The following TWIST2 variants were observed in gnomAD, a reference collection of about 807,000 sequenced individuals.
TWIST2 encodes twist-related protein 2.
In TWIST2, 1 loss-of-function variant was observed where a neutral mutation model predicts 11.6. That is an observed-to-expected ratio of 0.09 (90% CI 0.03 to 0.41). TWIST2 has a LOEUF of 0.41. Ranked by LOEUF, TWIST2 falls within the 10% of genes least tolerant of loss-of-function variation. TWIST2 has a pLI of 0.98. For synonymous variants in TWIST2, 87 were observed against 96.6 expected, an observed-to-expected ratio of 0.90 and a Z score of 0.58; for missense variants, 168 against 226.4, an observed-to-expected ratio of 0.74 and a Z score of 1.66.
At chr2:238,852,826 A>G (rs1574744684) in intron 1 of TWIST2, among the ~76,000 whole-genome samples, 1 of 152,240 alleles carries the variant, frequency 6.6e-6, no homozygotes, top group African/African-American at 2.4e-5. Context: ...ATCTCTGTAT[A>G]ATATTTCTTG....
intron 1 of TWIST2, among the ~76,000 whole-genome samples, chr2:238,900,982 C>T (rs1693262283): frequency 6.7e-6 from 1 of 148,524 alleles, no homozygotes; most frequent in Admixed American, 6.7e-5. Flanking sequence ...TCCTTCCCCC[C>T]CGGCTTTTTT....
chr2:238,870,714 A>G (rs1692669657), intron 1 of TWIST2, among the ~76,000 whole-genome samples: 1 of 27,666 alleles, frequency 3.6e-5, no homozygotes, highest in Non-Finnish European at 6.6e-5. Flanking sequence ...CACTCCCCAC[A>G]CACATCACAT....
At chr2:238,897,495 C>A (rs900582923) in intron 1 of TWIST2, among the ~76,000 whole-genome samples, 1 of 152,164 alleles carries the variant, frequency 6.6e-6, no homozygotes, top group African/African-American at 2.4e-5. Context: ...CATGCCAGGC[C>A]CCACCAACCC....
chr2:238,910,180 G>A lies in TWIST2; in HGVS notation c.*374G>A, dbSNP rs1180671044. The A allele has an allele frequency of 6.6e-6, 1 of 152,114 alleles. No individual in the cohort carries two copies. Among genetic ancestry groups the A allele is most frequent in the African/African-American group, 2.4e-5 (1 of 41,416 alleles). 9.4% of individuals were successfully genotyped at this position (152,114 alleles called of 1,614,324 possible). A position where few individuals can be genotyped will look rare whatever the true frequency, so the allele number is the denominator to read the frequency against. ...TTATGAGGATTTGGATTTTGAATTT[G>A]TATTTCCCTCTAAGTGCCTTTTTTA... On this transcript the variant is annotated 3_prime_UTR_variant, in exon 2 of 2. Transcript: ENST00000612363.
At chr2:238,890,894 C>T (rs1040691913) in intron 1 of TWIST2, among the ~76,000 whole-genome samples, 1 of 152,122 alleles carries the variant, frequency 6.6e-6, no homozygotes, top group African/African-American at 2.4e-5. Flanking sequence ...TCATCACAAA[C>T]AGCACTGAGA....
At chr2:238,871,434 C>T (rs1282691938) in intron 1 of TWIST2, among the ~76,000 whole-genome samples, 2 of 77,932 alleles carry the variant, frequency 2.6e-5, no homozygotes, top group Admixed American at 1.3e-4. Flanking sequence ...CCACACGCCA[C>T]ACACACACCT....
At chr2:238,859,134 C>G (rs1389076757) in intron 1 of TWIST2, among the ~76,000 whole-genome samples, 1 of 151,142 alleles carries the variant, frequency 6.6e-6, no homozygotes, top group African/African-American at 2.4e-5. Context: ...ATCGCTTGAA[C>G]CTGGGAGGCA....
At position 238,910,300 on chromosome 2, in the gene TWIST2, C is replaced by T. The variant is rs1693431850; in HGVS notation, c.*494C>T. ...AGAAGAGGACCCCCGAGTTCCTTCC[C>T]CTCCCCCGAGCCTCTGCATGATTGT... is the stretch of plus-strand genomic sequence containing the variant. On this transcript the variant is annotated 3_prime_UTR_variant, in exon 2 of 2. Transcript: ENST00000612363. The T allele has an allele frequency of 6.6e-6, 1 of 152,012 alleles. No homozygotes were observed. Among genetic ancestry groups the T allele is most frequent in the South Asian group, 2.1e-4 (1 of 4,812 alleles). The allele number at this position is 152,012 out of a possible 1,614,324, so 9.4% of individuals were successfully genotyped here.
intron 1 of TWIST2, among the ~76,000 whole-genome samples, chr2:238,881,782 C>T (rs1249862217): frequency 6.6e-6 from 1 of 152,124 alleles, no homozygotes; most frequent in East Asian, 1.9e-4. Context: ...TCTATAAATC[C>T]CTACATAAGG....
intron 1 of TWIST2, among the ~76,000 whole-genome samples, chr2:238,892,362 T>A (rs1559282646): frequency 6.6e-6 from 1 of 152,234 alleles, no homozygotes; most frequent in Non-Finnish European, 1.5e-5. Context: ...ACACAGGTGC[T>A]CCGCCGATCA....
In TWIST2 at chr2:238,869,091, G is replaced by T. The variant is rs147835775; in HGVS notation, c.*35+20358G>T. Among the ~76,000 whole-genome samples the T allele has an allele frequency of 4.3e-3, 651 of 152,318 alleles. 4 individuals are homozygous for T. Among genetic ancestry groups the T allele is most frequent in the African/African-American group, 0.015 (622 of 41,576 alleles). Reference sequence around the variant, plus strand: ...TTTCCTTGCAAAGGACGAGGCTGGGGAGCACGCCACTGAGAGAAAGGCATC... The same window carrying T: ...TTTCCTTGCAAAGGACGAGGCTGGGTAGCACGCCACTGAGAGAAAGGCATC... On this transcript the variant is annotated intron_variant, in intron 1 of 1. Transcript: ENST00000612363.
chr2:238,870,128 ACACACAC>A (rs1168187290), intron 1 of TWIST2, among the ~76,000 whole-genome samples: 2 of 97,074 alleles, frequency 2.1e-5, no homozygotes, highest in Non-Finnish European at 2.4e-5. Flanking sequence ...CACCCCCCAC[ACACACAC>A]CACACCCCAT....
At chr2:238,906,184 C>A (rs988835531) in intron 1 of TWIST2, among the ~76,000 whole-genome samples, 96 of 152,154 alleles carry the variant, frequency 6.3e-4, no homozygotes, top group African/African-American at 2.2e-3. Flanking sequence ...CACGTCCCCC[C>A]TGCACACTGC....
At chr2:238,899,931 C>T (rs1693249157) in intron 1 of TWIST2, among the ~76,000 whole-genome samples, 1 of 151,426 alleles carries the variant, frequency 6.6e-6, no homozygotes, top group Admixed American at 6.6e-5. Context: ...TTGCTGGGAA[C>T]CTGAAGTGCT....
intron 1 of TWIST2, among the ~76,000 whole-genome samples, chr2:238,881,437 GTATT>G (rs1282309749): frequency 1.3e-5 from 2 of 151,618 alleles, no homozygotes; most frequent in African/African-American, 4.9e-5. Flanking sequence ...ATTAGTGTCG[GTATT>G]TATTAGTATT....
intron 1 of TWIST2, among the ~76,000 whole-genome samples, chr2:238,861,860 T>A (rs1420364103): frequency 6.6e-6 from 1 of 152,260 alleles, no homozygotes; most frequent in Non-Finnish European, 1.5e-5. Context: ...AATCTCGAGC[T>A]GTCCCGCTCC....
At chr2:238,885,458 C>T in intron 1 of TWIST2, among the ~76,000 whole-genome samples, 1 of 152,238 alleles carries the variant, frequency 6.6e-6, no homozygotes, top group East Asian at 1.9e-4. Context: ...CTATTTCTTG[C>T]TAGCTATCTA....
intron 1 of TWIST2, among the ~76,000 whole-genome samples, chr2:238,903,193 G>C (rs1693299293): frequency 6.9e-6 from 1 of 145,412 alleles, no homozygotes; most frequent in Non-Finnish European, 1.5e-5. Flanking sequence ...ATGGGTGTGT[G>C]TGATGTGGGG....
At chr2:238,893,665 G>A (rs1329628829) in intron 1 of TWIST2, among the ~76,000 whole-genome samples, 1 of 152,214 alleles carries the variant, frequency 6.6e-6, no homozygotes, top group African/African-American at 2.4e-5. Context: ...AGATGGTTGA[G>A]AGTCTTCAGC....
Sources: allele counts gnomAD v4.1 joint callset (sites outside exome capture counted in the v4.1 genomes callset), GRCh38; gene constraint gnomAD v4.1.1; transcripts MANE v1.5; gene names NCBI Gene and HGNC (gene_info 2026-07-23, HGNC 2026-07-21).